TTLL7: variants seen among roughly 807,000 people sequenced by gnomAD.
TTLL7 encodes the protein tubulin tyrosine ligase like 7.
In TTLL7, 53 loss-of-function variants were observed where a neutral mutation model predicts 120.2. The observed-to-expected ratio is 0.44, with a 90% CI of 0.35 to 0.55. The LOEUF (loss-of-function observed/expected upper bound fraction) is 0.55, where lower values mean the gene tolerates loss of function less well. TTLL7 is among the 20% of genes least tolerant of loss of function. The probability of loss-of-function intolerance (pLI) is 0.00; values close to 1 mark genes in which losing one functional copy is unlikely to be tolerated. For missense variants in TTLL7, 803 were observed against 1,054.7 expected, an observed-to-expected ratio of 0.76 and a Z score of 3.31; for synonymous variants, 353 against 351.7, an observed-to-expected ratio of 1.00 and a Z score of -0.04.
chr1:83,988,945 T>A (rs1231789567), intron 1 of TTLL7, among the ~76,000 whole-genome samples: 1 of 152,200 alleles, frequency 6.6e-6, no homozygotes, highest in Non-Finnish European at 1.5e-5. Flanking sequence ...CCTGACTTTG[T>A]GATCCGCCCT....
chr1:83,925,158 A>G (rs1201783515), intron 10 of TTLL7, among the ~76,000 whole-genome samples: 1 of 152,188 alleles, frequency 6.6e-6, no homozygotes, highest in African/African-American at 2.4e-5. Flanking sequence ...ATATATGAAT[A>G]TCAATCAAAT....
At position 83,921,243 on chromosome 1, in the gene TTLL7, A is replaced by G; in HGVS notation, c.1290+4T>C. The G allele has an allele frequency of 6.2e-7, 1 of 1,611,822 alleles. No individual in the cohort carries two copies. On this transcript the variant is annotated splice_donor_region_variant and intron_variant, in intron 11 of 20. Transcript: ENST00000260505. ...TTGTGGGTACTTTCTTAAAACTTTC[A>G]TACCAACTCTTCTTTCCGCCTCTCC... is the stretch of plus-strand genomic sequence containing the variant.
intron 14 of TTLL7, among the ~76,000 whole-genome samples, chr1:83,916,889 A>C (rs1418359217): frequency 6.6e-6 from 1 of 152,096 alleles, no homozygotes; most frequent in African/African-American, 2.4e-5. Context: ...CAGGGGTTCA[A>C]GACCAGCCTT....
rs564344776 is a variant in TTLL7 at position 83,911,108 on chromosome 1, A to G, written c.1786+57T>C. On this transcript the variant is annotated intron_variant, in intron 15 of 20. Coordinates refer to ENST00000260505, the MANE Select transcript of TTLL7 (RefSeq NM_024686.6). Reference sequence around the variant, plus strand: ...GCCCAAGGACCTTTTACTGAGTTTAATAATTTCAGTTCCATAATTCTTTAT... The same window carrying G: ...GCCCAAGGACCTTTTACTGAGTTTAGTAATTTCAGTTCCATAATTCTTTAT... The G allele has an allele frequency of 2.3e-4, 328 of 1,446,204 alleles. 3 individuals carry two copies. In the South Asian group the frequency reaches 3.8e-3, roughly 17 times the overall value. 89.6% of individuals were successfully genotyped at this position (1,446,204 alleles called of 1,614,324 possible). A position where few individuals can be genotyped will look rare whatever the true frequency, so the allele number is the denominator to read the frequency against.
intron 1 of TTLL7, among the ~76,000 whole-genome samples, chr1:83,971,394 G>C (rs1015269225): frequency 6.6e-6 from 1 of 152,074 alleles, no homozygotes; most frequent in African/African-American, 2.4e-5. Context: ...AATCTGTTTG[G>C]TGGATGTAAT....
In TTLL7 at chr1:83,921,058, A is replaced by C. The variant is rs867397778; in HGVS notation, c.1364+29T>G. ...CATTGCTTTGATACTTCATTTTTTC[A>C]ATCTATACAAAAATAGCAGCACAGT... On this transcript the variant is annotated intron_variant, in intron 12 of 20. Transcript: ENST00000260505. 8 of 1,579,928 alleles carry C rather than the reference A, an allele frequency of 5.1e-6. No homozygotes were observed. In the Middle Eastern group the frequency reaches 1.3e-3, roughly 247 times the overall value.
At chr1:83,923,136 A>C (rs1658823981) in intron 10 of TTLL7, among the ~76,000 whole-genome samples, 1 of 150,552 alleles carries the variant, frequency 6.6e-6, no homozygotes, top group Non-Finnish European at 1.5e-5. Flanking sequence ...GTAACTCTTT[A>C]ACTTTTGAAT....
chr1:83,966,998 T>G (rs1650520395), intron 1 of TTLL7, among the ~76,000 whole-genome samples: 1 of 152,110 alleles, frequency 6.6e-6, no homozygotes, highest in African/African-American at 2.4e-5. Flanking sequence ...TGTGAAGAAG[T>G]TTACAGAATG....
intron 10 of TTLL7, among the ~76,000 whole-genome samples, chr1:83,923,806 G>A (rs1248358484): frequency 2.6e-5 from 4 of 152,108 alleles, no homozygotes; most frequent in African/African-American, 9.7e-5. Flanking sequence ...CATTCATTTA[G>A]CATTTAATTA....
chr1:83,996,152 A>G (rs1653460876), intron 1 of TTLL7, among the ~76,000 whole-genome samples: 1 of 152,186 alleles, frequency 6.6e-6, no homozygotes, highest in South Asian at 2.1e-4. Flanking sequence ...ATATTCTTAA[A>G]CTTTCCAAAT....
intron 1 of TTLL7, among the ~76,000 whole-genome samples, chr1:83,988,212 T>C (rs1652659371): frequency 6.6e-6 from 1 of 151,940 alleles, no homozygotes; most frequent in Non-Finnish European, 1.5e-5. Context: ...AAAAGATATC[T>C]CATTCTTTTT....
At chr1:83,923,743 G>A (rs1658879806) in intron 10 of TTLL7, among the ~76,000 whole-genome samples, 1 of 152,216 alleles carries the variant, frequency 6.6e-6, no homozygotes, top group South Asian at 2.1e-4. Context: ...ATGACTCTCA[G>A]TACTTACACC....
intron 12 of TTLL7, among the ~76,000 whole-genome samples, chr1:83,920,840 AC>A (rs1414973577): frequency 5.3e-5 from 8 of 152,104 alleles, no homozygotes. Context: ...ATAACTAAAT[AC>A]AGTCACAGGA....
At chr1:83,922,848 G>A (rs1178874978) in intron 10 of TTLL7, among the ~76,000 whole-genome samples, 1 of 150,854 alleles carries the variant, frequency 6.6e-6, no homozygotes, top group Non-Finnish European at 1.5e-5. Context: ...AGAAAGTTAA[G>A]ATGAGATGCT....
Position 83,867,038 on chromosome 1 carries a change from G to T in TTLL7, c.*2924C>A, listed in dbSNP as rs1652963097. 1 of 151,938 alleles carries T rather than the reference G, an allele frequency of 6.6e-6. No homozygotes were observed. The allele number at this position is 151,938 out of a possible 1,614,324, so 9.4% of individuals were successfully genotyped here. A position where few individuals can be genotyped will look rare whatever the true frequency, so the allele number is the denominator to read the frequency against. ...AGCAGAATGAAAATATGCTTTCATT[G>T]TAAGTAAACCCAGTTCCCCTATTAA... On this transcript the variant is annotated 3_prime_UTR_variant, in exon 21 of 21. Coordinates refer to ENST00000260505, the MANE Select transcript of TTLL7 (RefSeq NM_024686.6).
chr1:83,956,501 C>G (rs926568451), intron 1 of TTLL7, among the ~76,000 whole-genome samples: 2 of 150,422 alleles, frequency 1.3e-5, no homozygotes, highest in African/African-American at 4.9e-5. Context: ...AATCTTGGCT[C>G]ACTGCAACCT....
chr1:83,950,865 T>G (rs1166535470), intron 3 of TTLL7, among the ~76,000 whole-genome samples: 1 of 152,094 alleles, frequency 6.6e-6, no homozygotes, highest in Non-Finnish European at 1.5e-5. Context: ...CTACAGCTCA[T>G]GTAGAGAGCA....
At chr1:83,991,332 A>G (rs1180642847) in intron 1 of TTLL7, among the ~76,000 whole-genome samples, 1 of 152,148 alleles carries the variant, frequency 6.6e-6, no homozygotes, top group Non-Finnish European at 1.5e-5. Context: ...AAAATGTTTA[A>G]GATGTTTTTA....
At chr1:83,969,506 G>A (rs559916573) in intron 1 of TTLL7, among the ~76,000 whole-genome samples, 23 of 151,990 alleles carry the variant, frequency 1.5e-4, no homozygotes, top group African/African-American at 5.5e-4. Flanking sequence ...CTCCTTCTTT[G>A]AAGGTGGCCT....
Sources: gnomAD v4.1 joint callset for allele counts (sites outside exome capture counted in the v4.1 genomes callset) on GRCh38, gnomAD v4.1.1 for gene constraint, MANE v1.5 for transcripts, NCBI Gene and HGNC (gene_info 2026-07-23, HGNC 2026-07-21) for gene names.